The following COL5A1 variants were observed in gnomAD, a reference collection of about 807,000 sequenced individuals.
COL5A1 encodes the protein collagen alpha-1(V) chain.
Under a neutral mutation model 263.7 loss-of-function variants are expected in COL5A1, and 16 were observed. The ratio of observed to expected loss-of-function variants is 0.06; its 90% CI spans 0.04 to 0.09. COL5A1 has a LOEUF of 0.09. COL5A1 is among the 10% of genes least tolerant of loss of function. The pLI is 1.00. For missense variants in COL5A1, 2,036 were observed against 2,540.5 expected (o/e 0.80, Z 4.27); for synonymous variants, 1,012 against 1,004.5 (o/e 1.01, Z -0.14).
At chr9:134,650,604 G>T (rs745503920) in intron 1 of COL5A1, among the ~76,000 whole-genome samples, 5 of 152,232 alleles carry the variant, frequency 3.3e-5, no homozygotes, top group Non-Finnish European at 7.3e-5. Context: ...GTAGGGTGTG[G>T]CCAAGGCCAG....
intron 1 of COL5A1, among the ~76,000 whole-genome samples, chr9:134,643,980 G>C (rs988950155): frequency 1.3e-5 from 2 of 152,150 alleles, no homozygotes; most frequent in Non-Finnish European, 2.9e-5. Context: ...GCTAATCGAA[G>C]TGCGGCTCGT....
At chr9:134,774,060 G>T (rs1227998410) in intron 26 of COL5A1, among the ~76,000 whole-genome samples, 1 of 152,238 alleles carries the variant, frequency 6.6e-6, no homozygotes, top group Non-Finnish European at 1.5e-5. Context: ...CAGGTGGTTG[G>T]CACTTGGAGC....
intron 1 of COL5A1, among the ~76,000 whole-genome samples, chr9:134,684,948 TCATC>T (rs1352535380): frequency 8.8e-6 from 1 of 113,898 alleles, no homozygotes; most frequent in Non-Finnish European, 1.8e-5. Flanking sequence ...CACCATCCAT[TCATC>T]CATCCATCCA....
At chr9:134,832,360 C>T (rs1167003903) in intron 64 of COL5A1, among the ~76,000 whole-genome samples, 1 of 152,042 alleles carries the variant, frequency 6.6e-6, no homozygotes, top group Non-Finnish European at 1.5e-5. Flanking sequence ...GAGCTGAGAT[C>T]GCGCCACTGC....
chr9:134,830,255 A>G, intron 64 of COL5A1: 2 of 1,407,310 alleles, frequency 1.4e-6, no homozygotes, highest in South Asian at 1.2e-5. Flanking sequence ...CATGGCACCC[A>G]TCGCTGCCAT....
At chr9:134,784,297 C>T (rs1837368756) in intron 29 of COL5A1, among the ~76,000 whole-genome samples, 1 of 152,252 alleles carries the variant, frequency 6.6e-6, no homozygotes, top group African/African-American at 2.4e-5. Flanking sequence ...TGCTTTACAG[C>T]TGCTCTTAGA....
At chr9:134,685,415 CAT>C (rs1833013229) in intron 1 of COL5A1, among the ~76,000 whole-genome samples, 1 of 7,332 alleles carries the variant, frequency 1.4e-4, no homozygotes, top group Non-Finnish European at 2.9e-4. Flanking sequence ...TCCATTAATT[CAT>C]CCATCCATCC....
At chr9:134,787,771 G>A (rs1356198316) in intron 31 of COL5A1, among the ~76,000 whole-genome samples, 1 of 152,258 alleles carries the variant, frequency 6.6e-6, no homozygotes, top group Non-Finnish European at 1.5e-5. Flanking sequence ...AAAATACAAT[G>A]TCACAGTGCA....
chr9:134,672,851 C>T (rs902867258), intron 1 of COL5A1, among the ~76,000 whole-genome samples: 9 of 152,072 alleles, frequency 5.9e-5, no homozygotes, highest in African/African-American at 2.2e-4. Context: ...TACAAAAATT[C>T]ATTGTATTTC....
intron 6 of COL5A1, among the ~76,000 whole-genome samples, chr9:134,729,056 C>T (rs999876666): frequency 6.6e-6 from 1 of 152,240 alleles, no homozygotes; most frequent in Non-Finnish European, 1.5e-5. Flanking sequence ...GCCAGCATCT[C>T]TGGGCCCTGG....
intron 1 of COL5A1, among the ~76,000 whole-genome samples, chr9:134,683,367 G>T (rs534323585): frequency 6.6e-6 from 1 of 152,254 alleles, no homozygotes; most frequent in East Asian, 1.9e-4. Flanking sequence ...TCCCTGGGGA[G>T]GAGGGCCAGG....
In COL5A1 at chr9:134,731,575, A is replaced by ACTACTACGACCC. The variant is rs745934765; in HGVS notation, c.1258_1269dup (p.Tyr420_Pro423dup). ...GAAACGATCCGGAACCTTGACGAGA[A>ACTACTACGACCC]CTACTACGACCCCTACTACGACCCC... On this transcript the variant is annotated inframe_insertion, in exon 8 of 66. Transcript: ENST00000371817. The ACTACTACGACCC allele has an allele frequency of 6.2e-6, 10 of 1,614,174 alleles. No individual in the cohort carries two copies. The highest frequency in any genetic ancestry group is 4.5e-5 in the East Asian group (2 of 44,862).
chr9:134,787,866 G>A (rs904062294), intron 31 of COL5A1, among the ~76,000 whole-genome samples: 7 of 152,238 alleles, frequency 4.6e-5, no homozygotes, highest in South Asian at 2.1e-4. Flanking sequence ...ATATGGGCGC[G>A]TGGGGGATGG....
intron 4 of COL5A1, among the ~76,000 whole-genome samples, chr9:134,717,830 C>T (rs2132613683): frequency 6.6e-6 from 1 of 152,238 alleles, no homozygotes; most frequent in Non-Finnish European, 1.5e-5. Context: ...AGCTGGGATT[C>T]CTGTGGACCC....
chr9:134,773,100 A>G (rs80320180), intron 26 of COL5A1, among the ~76,000 whole-genome samples: 1 of 92,314 alleles, frequency 1.1e-5, no homozygotes, highest in Non-Finnish European at 2.4e-5. Context: ...GCCCATGACC[A>G]GATGGGGTGT....
At chr9:134,837,661 C>A (rs142848497) in intron 65 of COL5A1, among the ~76,000 whole-genome samples, 1 of 151,722 alleles carries the variant, frequency 6.6e-6, no homozygotes, top group Admixed American at 6.6e-5. Context: ...AGAGAGGGCT[C>A]TTGCTCAGCC....
intron 64 of COL5A1, among the ~76,000 whole-genome samples, chr9:134,830,722 G>A (rs1203549088): frequency 3.3e-5 from 5 of 152,218 alleles, no homozygotes; most frequent in Non-Finnish European, 7.3e-5. Context: ...TGGGGATCGA[G>A]TCTTACAGAA....
At chr9:134,798,385 C>T in intron 36 of COL5A1, 23 bp from the exon 37 acceptor site, 1 of 1,613,630 alleles carries the variant, frequency 6.2e-7, no homozygotes, top group Non-Finnish European at 8.5e-7. Flanking sequence ...AATGAACCTC[C>T]TTTCCTTTGG....
intron 1 of COL5A1, among the ~76,000 whole-genome samples, chr9:134,684,832 C>T (rs973840173): frequency 3.9e-5 from 6 of 152,220 alleles, no homozygotes; most frequent in Non-Finnish European, 7.3e-5. Flanking sequence ...CCTATACCTC[C>T]TGATTTTCAC....
Sources: gnomAD v4.1 joint callset for allele counts (sites outside exome capture counted in the v4.1 genomes callset) on GRCh38, gnomAD v4.1.1 for gene constraint, MANE v1.5 for transcripts, NCBI Gene and HGNC (gene_info 2026-07-23, HGNC 2026-07-21) for gene names.